TMEM269: variants seen among roughly 807,000 people sequenced by gnomAD.
TMEM269 encodes transmembrane protein 269.
A neutral mutation model predicts 15.8 loss-of-function variants in TMEM269; 12 were observed. That is an observed-to-expected ratio of 0.76 (90% CI 0.49 to 1.23). The LOEUF is 1.23. Among genes scored for constraint, TMEM269 ranks in the 50% most tolerant of loss-of-function variants. TMEM269 has a pLI of 0.00. For missense variants in TMEM269, 211 were observed against 245.4 expected (o/e 0.86, Z 0.94); for synonymous variants, 93 against 99.3 (o/e 0.94, Z 0.38).
rs1396860905 is a variant in TMEM269, at chr1:42,799,892, G to A, written c.*1667G>A. On this transcript the variant is annotated 3_prime_UTR_variant, in exon 6 of 6. Coordinates refer to ENST00000637012, the MANE Select transcript of TMEM269 (RefSeq NM_001354602.2). ...CCACCACCACCAAAAGCGAAAAACA[G>A]GTTTTATTCTGAACTAAATTTTTTC... 6.6e-6 allele frequency: 1 copy of A among 152,238 alleles called. No individual in the cohort carries two copies. The highest frequency in any genetic ancestry group is 2.4e-5 in the African/African-American group (1 of 41,534). The allele number at this position is 152,238 out of a possible 1,614,324, so 9.4% of individuals were successfully genotyped here.
At position 42,791,724 on chromosome 1, in the gene TMEM269, G is replaced by A. The variant is rs12091144; in HGVS notation, c.42-1081G>A. Among the ~76,000 whole-genome samples, 225 of 152,280 alleles carry A rather than the reference G, an allele frequency of 1.5e-3. 1 individual carries two copies. Among genetic ancestry groups the A allele is most frequent in the African/African-American group, 4.7e-3 (196 of 41,548 alleles). Reference sequence around the variant, plus strand: ...AAAAGTAAAAAGTAAAAATCAGGCCGGGCGCAGTGGCACATGCCTGTAGTT... The same window carrying A: ...AAAAGTAAAAAGTAAAAATCAGGCCAGGCGCAGTGGCACATGCCTGTAGTT... On this transcript the variant is annotated intron_variant, in intron 2 of 5. Coordinates refer to ENST00000637012, the MANE Select transcript of TMEM269 (RefSeq NM_001354602.2).
rs1267858472 is a variant in TMEM269 at position 42,799,330 on chromosome 1, G to C, written c.*1105G>C. On this transcript the variant is annotated 3_prime_UTR_variant, in exon 6 of 6. Transcript: ENST00000637012. ...TCCACCTCCCAGATGGTGGAAAAAA[G>C]GATTGATGGCTGGTTCTGCTCCACC... is the stretch of plus-strand genomic sequence containing the variant. 1 of 151,514 alleles carries C rather than the reference G, an allele frequency of 6.6e-6. No individual in the cohort carries two copies. Among genetic ancestry groups the C allele is most frequent in the Non-Finnish European group, 1.5e-5 (1 of 67,968 alleles). The allele number at this position is 151,514 out of a possible 1,614,324, so 9.4% of individuals were successfully genotyped here. A position where few individuals can be genotyped will look rare whatever the true frequency, so the allele number is the denominator to read the frequency against.
Position 42,794,604 on chromosome 1 carries a change from T to TATA in TMEM269, c.476_478dup (p.Tyr159_Ile160insAsn). 6.4e-7 allele frequency: 1 copy of TATA among 1,550,428 alleles called. No individual in the cohort carries two copies. The highest frequency in any genetic ancestry group is 8.7e-7 in the Non-Finnish European group (1 of 1,146,702). ...GTCTGAGAACTGGAAAAAATTGGTT[T>TATA]ATATAGGAGGTGAGTGAAAATGTCA... On this transcript the variant is annotated inframe_insertion, in exon 5 of 6. Coordinates refer to ENST00000637012, the MANE Select transcript of TMEM269 (RefSeq NM_001354602.2).
chr1:42,798,145 T>C lies in TMEM269; in HGVS notation c.532T>C (p.Cys178Arg). 6.4e-6 allele frequency: 10 copies of C among 1,551,090 alleles called. No individual in the cohort carries two copies. Among genetic ancestry groups the C allele is most frequent in the Non-Finnish European group, 8.7e-6 (10 of 1,147,130 alleles). Residue 178 changes from cysteine (C) to arginine (R), a missense_variant, in exon 6 of 6, where the codon TGC becomes CGC. By Grantham distance (180) the Cys-to-Arg change is radical. Coordinates refer to ENST00000637012, the MANE Select transcript of TMEM269 (RefSeq NM_001354602.2). ...CCCATTGTCTCTGTCTGCTTTTTAC[T>C]GCCTGATGTGGTCGCTCTCGTACAT... is the stretch of plus-strand genomic sequence containing the variant. The part of the protein sequence containing the change: ...FSPLSLSAFY[C>R]LMWSLSYIFF...
At chr1:42,793,841 T>A (rs1653746555) in intron 4 of TMEM269, 97 bp downstream of exon 4, 7 of 1,353,850 alleles carry the variant, frequency 5.2e-6, no homozygotes, top group South Asian at 1.5e-5. Flanking sequence ...TACTGACTCC[T>A]TTTTTGGAGC....
At chr1:42,795,792 C>A (rs1454393529) in intron 5 of TMEM269, among the ~76,000 whole-genome samples, 4 of 152,196 alleles carry the variant, frequency 2.6e-5, no homozygotes, top group African/African-American at 9.7e-5. Context: ...CTATGGGGAT[C>A]CAGAGTTCCT....
intron 5 of TMEM269, among the ~76,000 whole-genome samples, 187 bp downstream of exon 5, chr1:42,794,800 T>C (rs912938783): frequency 1.3e-5 from 2 of 152,232 alleles, no homozygotes; most frequent in African/African-American, 4.8e-5. Flanking sequence ...TAGAGGACTC[T>C]CTTTTATTCA....
In TMEM269 at chr1:42,798,783, C is replaced by T. The variant is rs1653837710; in HGVS notation, c.*558C>T. On this transcript the variant is annotated 3_prime_UTR_variant, in exon 6 of 6. Transcript: ENST00000637012. ...TTTGAGAAGGAGTCTCGCTCTTTCA[C>T]CCAGGCTGGAGTGCAGTGGAGCGAT... is the stretch of plus-strand genomic sequence containing the variant. The T allele has an allele frequency of 7.7e-6, 1 of 129,354 alleles. No homozygotes were observed. The highest frequency in any genetic ancestry group is 1.6e-5 in the Non-Finnish European group (1 of 62,972). The allele number at this position is 129,354 out of a possible 1,614,324, so 8.0% of individuals were successfully genotyped here.
intron 1 of TMEM269, chr1:42,789,270 C>G: frequency 1.6e-6 from 1 of 608,584 alleles, no homozygotes; most frequent in Non-Finnish European, 2.9e-6. Flanking sequence ...GGAAGTAGGC[C>G]TGCTGTTCTG....
At chr1:42,789,408 T>C (rs1440652684) in intron 1 of TMEM269, 1 of 1,533,674 alleles carries the variant, frequency 6.5e-7, no homozygotes, top group African/African-American at 1.4e-5. Flanking sequence ...CAACCCTTCG[T>C]CAGTGACAAG....
intron 1 of TMEM269, 34 bp from the exon 2 acceptor site, chr1:42,789,762 T>C (rs1386549644): frequency 2.4e-6 from 3 of 1,234,632 alleles, no homozygotes; most frequent in Non-Finnish European, 3.5e-6. Context: ...TCCTTAACCT[T>C]GGGAACCCTT....
intron 4 of TMEM269, 150 bp from the exon 5 acceptor site, chr1:42,794,263 G>A: frequency 1.6e-6 from 1 of 641,102 alleles, no homozygotes. Context: ...TCATCTTTGT[G>A]AATAAATGAT....
intron 1 of TMEM269, among the ~76,000 whole-genome samples, chr1:42,786,573 C>T (rs1258784500): frequency 1.3e-5 from 2 of 152,208 alleles, no homozygotes; most frequent in African/African-American, 4.8e-5. Flanking sequence ...ATTCAAGAAG[C>T]TGGGGAGTGA....
At chr1:42,794,742 A>C in intron 5 of TMEM269, 129 bp downstream of exon 5, 1 of 695,014 alleles carries the variant, frequency 1.4e-6, no homozygotes, top group Non-Finnish European at 2.5e-6. Flanking sequence ...ATCATCTGAC[A>C]TATTTACTAG....
At chr1:42,792,764 G>A (rs748492667) in intron 2 of TMEM269, 41 bp from the exon 3 acceptor site, 52 of 1,355,362 alleles carry the variant, frequency 3.8e-5, no homozygotes, top group Middle Eastern at 1.8e-4. Context: ...TGGAAACTGC[G>A]AAAGTGCTTC....
chr1:42,798,259 C>T lies in TMEM269; in HGVS notation c.*34C>T. The stretch of plus-strand genomic sequence containing the variant: ...AGCAGCTCTACCAGCTCCTGCCGGC[C>T]TCTGTGGGGTTTGTGTCAGCATATT... On this transcript the variant is annotated 3_prime_UTR_variant, in exon 6 of 6. Transcript: ENST00000637012. The T allele has an allele frequency of 6.5e-7, 1 of 1,540,640 alleles. No individual in the cohort carries two copies. The highest frequency in any genetic ancestry group is 8.7e-7 in the Non-Finnish European group (1 of 1,146,802).
At position 42,789,782 on chromosome 1, in the gene TMEM269, C is replaced by A; in HGVS notation, c.-98-14C>A. 1 of 1,428,422 alleles carries A rather than the reference C, an allele frequency of 7.0e-7. No homozygotes were observed. Among genetic ancestry groups the A allele is most frequent in the Non-Finnish European group, 9.7e-7 (1 of 1,035,304 alleles). The allele number at this position is 1,428,422 out of a possible 1,614,324, so 88.5% of individuals were successfully genotyped here. A position where few individuals can be genotyped will look rare whatever the true frequency, so the allele number is the denominator to read the frequency against. ...AACCTTGGGAACCCTTCGCCCCTCT[C>A]TCTTGGGCCCCAGGTAAGGGTACCA... is the stretch of plus-strand genomic sequence containing the variant. On this transcript the variant is annotated splice_polypyrimidine_tract_variant and intron_variant, in intron 1 of 5. Transcript: ENST00000637012.
At chr1:42,794,380 G>C in intron 4 of TMEM269, 33 bp from the exon 5 acceptor site, 1 of 1,511,558 alleles carries the variant, frequency 6.6e-7, no homozygotes, top group Non-Finnish European at 9.0e-7. Flanking sequence ...AGAGCAGAGG[G>C]AAGCAGCTAA....
rs1014743521 is a variant in TMEM269, at chr1:42,799,966, A to C, written c.*1741A>C. ...GCCAATTATGTCGTATTCTTAAATC[A>C]AATTAGGTATCATATTTGGACTCAA... is the stretch of plus-strand genomic sequence containing the variant. On this transcript the variant is annotated 3_prime_UTR_variant, in exon 6 of 6. Transcript: ENST00000637012. 2.0e-5 allele frequency: 3 copies of C among 152,236 alleles called. No homozygotes were observed. Among genetic ancestry groups the C allele is most frequent in the Non-Finnish European group, 4.4e-5 (3 of 68,040 alleles). 9.4% of individuals were successfully genotyped at this position (152,236 alleles called of 1,614,324 possible). A position where few individuals can be genotyped will look rare whatever the true frequency, so the allele number is the denominator to read the frequency against.
Sources: gnomAD v4.1 joint callset for allele counts (sites outside exome capture counted in the v4.1 genomes callset) on GRCh38, gnomAD v4.1.1 for gene constraint, MANE v1.5 for transcripts, NCBI Gene and HGNC (gene_info 2026-07-23, HGNC 2026-07-21) for gene names.